Variants in RARB observed in about 807,000 individuals in gnomAD.
RARB encodes the protein retinoic acid receptor beta, also known as HBV-activated protein.
A neutral mutation model predicts 51.9 loss-of-function variants in RARB; 17 were observed. The observed-to-expected ratio is 0.33, with a 90% CI of 0.22 to 0.49. The LOEUF (loss-of-function observed/expected upper bound fraction) is 0.49, where lower values mean the gene tolerates loss of function less well. Ranked by LOEUF, RARB falls within the 20% of genes least tolerant of loss-of-function variation. The pLI is 0.99. For synonymous variants in RARB, 215 were observed against 195.4 expected (o/e 1.10, Z -0.84); for missense variants, 369 against 550.8 (o/e 0.67, Z 3.30).
chr3:24,996,946 A>G (rs757222852), intron 2 of RARB, among the ~76,000 whole-genome samples: 10 of 152,274 alleles, frequency 6.6e-5, no homozygotes, highest in African/African-American at 2.2e-4. Context: ...GTTGGGTGAA[A>G]TGTTCTGCAA....
intron 4 of RARB, among the ~76,000 whole-genome samples, chr3:25,132,845 ATAAT>A (rs1236321975): frequency 6.6e-6 from 1 of 151,950 alleles, no homozygotes; most frequent in East Asian, 1.9e-4. Context: ...ATAAATATAT[ATAAT>A]TGTCAATTAA....
intron 5 of RARB, among the ~76,000 whole-genome samples, chr3:25,388,514 A>G (rs1307766163): frequency 6.6e-6 from 1 of 152,242 alleles, no homozygotes; most frequent in African/African-American, 2.4e-5. Context: ...TGGACTTGAT[A>G]AGTGTACCAT....
chr3:25,229,350 G>A (rs1237230281), intron 5 of RARB, among the ~76,000 whole-genome samples: 1 of 151,522 alleles, frequency 6.6e-6, no homozygotes, highest in Non-Finnish European at 1.5e-5. Flanking sequence ...TCTTTCTGAA[G>A]GTATTCAAAA....
At chr3:24,922,247 G>A (rs1415244779) in intron 2 of RARB, among the ~76,000 whole-genome samples, 1 of 152,186 alleles carries the variant, frequency 6.6e-6, no homozygotes, top group African/African-American at 2.4e-5. Flanking sequence ...GGTTGAATGA[G>A]GTAATGTTTG....
At chr3:25,047,215 T>C (rs909726301) in intron 2 of RARB, among the ~76,000 whole-genome samples, 1 of 152,110 alleles carries the variant, frequency 6.6e-6, no homozygotes, top group African/African-American at 2.4e-5. Flanking sequence ...CCAAGGAAAA[T>C]AATAAAACTA....
At chr3:24,997,737 A>G (rs750243044) in intron 2 of RARB, among the ~76,000 whole-genome samples, 27 of 152,074 alleles carry the variant, frequency 1.8e-4, no homozygotes, top group Non-Finnish European at 3.4e-4. Flanking sequence ...ATTTATAGCC[A>G]TTTGTGGGAA....
At chr3:25,104,124 T>A (rs1485564789) in intron 3 of RARB, among the ~76,000 whole-genome samples, 1 of 152,214 alleles carries the variant, frequency 6.6e-6, no homozygotes, top group African/African-American at 2.4e-5. Context: ...AGTGTCACTC[T>A]GTTCAATATC....
At chr3:25,006,473 T>A (rs919279450) in intron 2 of RARB, among the ~76,000 whole-genome samples, 1 of 152,210 alleles carries the variant, frequency 6.6e-6, no homozygotes, top group Non-Finnish European at 1.5e-5. Context: ...GTGGTATTGA[T>A]TAAAAATATT....
intron 3 of RARB, among the ~76,000 whole-genome samples, chr3:25,131,177 T>C (rs1342787802): frequency 1.3e-5 from 2 of 151,926 alleles, no homozygotes; most frequent in East Asian, 1.9e-4. Context: ...CCAAAAGTTA[T>C]GCAGAGTGAG....
rs1216426172 is a variant in RARB at position 25,467,956 on chromosome 3, T to A, written c.306+6615T>A. On this transcript the variant is annotated intron_variant, in intron 2 of 7. Transcript: ENST00000330688. ...GAAAACAATAAACAGAATGGTCTAA[T>A]AAAGAATAATTTAGGGGTATTCTAT... Among the ~76,000 whole-genome samples, 2 of 152,222 alleles carry A rather than the reference T, an allele frequency of 1.3e-5. 1 individual carries two copies. Among genetic ancestry groups the A allele is most frequent in the East Asian group, 3.9e-4 (2 of 5,172 alleles).
chr3:25,146,492 G>GTTTTTTTTTTTTT (rs751190061), intron 4 of RARB, among the ~76,000 whole-genome samples: 3 of 126,256 alleles, frequency 2.4e-5, no homozygotes, highest in Non-Finnish European at 3.4e-5. Context: ...AATTTGCTAA[G>GTTTTTTTTTTTTT]TTTTTTGTTT....
At chr3:25,306,001 C>T (rs1427289590) in intron 5 of RARB, among the ~76,000 whole-genome samples, 1 of 152,148 alleles carries the variant, frequency 6.6e-6, no homozygotes, top group East Asian at 1.9e-4. Flanking sequence ...ATATAGAGAG[C>T]TTAAATGGAG....
rs1701055782 is a variant in RARB at position 25,189,867 on chromosome 3, A to C, written c.178+15292A>C. ...GCTACTGCACTCCAGCCTGGATGGCAGAATGACATTCTGTCTCAAAAAGGA... is the reference window on the plus strand; with the variant it reads ...GCTACTGCACTCCAGCCTGGATGGCCGAATGACATTCTGTCTCAAAAAGGA... On this transcript the variant is annotated intron_variant, in intron 5 of 11. Coordinates refer to the RARB transcript ENST00000383772. Among the ~76,000 whole-genome samples, 5 of 152,264 alleles carry C rather than the reference A, an allele frequency of 3.3e-5. No individual in the cohort carries two copies. The South Asian group carries it at 8.3e-4, about 25-fold the overall frequency.
At chr3:25,577,444 ATTGAAC>A (rs1700985809) in intron 4 of RARB, among the ~76,000 whole-genome samples, 2 of 152,228 alleles carry the variant, frequency 1.3e-5, no homozygotes, top group South Asian at 4.1e-4. Context: ...TGGTCTGCAA[ATTGAAC>A]TTGAAAGGAC....
chr3:25,230,220 A>T (rs951902326), intron 5 of RARB, among the ~76,000 whole-genome samples: 2 of 152,122 alleles, frequency 1.3e-5, no homozygotes, highest in African/African-American at 4.8e-5. Flanking sequence ...TAAGAACAGC[A>T]AGATTATTGC....
rs529573598 is a variant in RARB, at chr3:25,099,466, G to A, written c.-327-32695G>A. ...ATGTCTTAGAAAAGAACAACTTACC[G>A]GGGGAAAAAGTTCATCTGAAAAATA... On this transcript the variant is annotated intron_variant, in intron 3 of 11. Coordinates refer to the RARB transcript ENST00000383772. Among the ~76,000 whole-genome samples the A allele has an allele frequency of 5.9e-5, 9 of 152,054 alleles. No homozygotes were observed. The South Asian group carries it at 1.2e-3, about 21-fold the overall frequency.
intron 5 of RARB, among the ~76,000 whole-genome samples, chr3:25,206,727 G>T (rs941359026): frequency 2.0e-5 from 3 of 152,170 alleles, no homozygotes; most frequent in Non-Finnish European, 4.4e-5. Flanking sequence ...AAATGTGGTA[G>T]GGTGAGTACT....
At chr3:24,960,884 T>G (rs1685775260) in intron 2 of RARB, among the ~76,000 whole-genome samples, 1 of 152,110 alleles carries the variant, frequency 6.6e-6, no homozygotes, top group South Asian at 2.1e-4. Context: ...AAATGTTTGG[T>G]AGGATTGGGA....
At chr3:25,115,471 T>C (rs1050258265) in intron 3 of RARB, among the ~76,000 whole-genome samples, 8 of 152,218 alleles carry the variant, frequency 5.3e-5, no homozygotes, top group Non-Finnish European at 1.2e-4. Flanking sequence ...TTGATTAGGC[T>C]GAACCTATGT....
Sources: gnomAD v4.1 joint callset for allele counts (sites outside exome capture counted in the v4.1 genomes callset) on GRCh38, gnomAD v4.1.1 for gene constraint, MANE v1.5 for transcripts, NCBI Gene and HGNC (gene_info 2026-07-23, HGNC 2026-07-21) for gene names.